CALN1: variants seen among roughly 807,000 people sequenced by gnomAD.
CALN1 encodes calcium-binding protein 8.
In CALN1, 17 loss-of-function variants were observed where a neutral mutation model predicts 30.6. That is an observed-to-expected ratio of 0.56 (90% CI 0.38 to 0.83). The LOEUF is 0.83. Ranked by LOEUF, CALN1 falls within the 40% of genes least tolerant of loss-of-function variation. CALN1 has a pLI of 0.00. For synonymous variants in CALN1, 156 were observed against 131.4 expected (o/e 1.19, Z -1.28); for missense variants, 291 against 354.9 (o/e 0.82, Z 1.45).
chr7:71,967,304 A>G (rs1245059760), intron 5 of CALN1, among the ~76,000 whole-genome samples: 1 of 152,150 alleles, frequency 6.6e-6, no homozygotes, highest in Admixed American at 6.6e-5. Context: ...ACGAGATATA[A>G]TATGGCAGAA....
chr7:72,256,919 T>C (rs1795952098), intron 3 of CALN1, among the ~76,000 whole-genome samples: 2 of 152,230 alleles, frequency 1.3e-5, no homozygotes, highest in African/African-American at 4.8e-5. Context: ...GCCAGGCACC[T>C]TGCCACATCC....
At chr7:71,990,190 C>G (rs1028006452) in intron 5 of CALN1, among the ~76,000 whole-genome samples, 1 of 152,138 alleles carries the variant, frequency 6.6e-6, no homozygotes, top group African/African-American at 2.4e-5. Flanking sequence ...GACCCCTGGT[C>G]GTCCTCACTG....
chr7:72,002,533 G>C (rs1799578362), intron 5 of CALN1, among the ~76,000 whole-genome samples: 1 of 152,038 alleles, frequency 6.6e-6, no homozygotes, highest in Non-Finnish European at 1.5e-5. Flanking sequence ...GGAAATGTTG[G>C]TACCAGAAGT....
At chr7:72,197,759 G>A (rs1459588151) in intron 3 of CALN1, among the ~76,000 whole-genome samples, 1 of 152,218 alleles carries the variant, frequency 6.6e-6, no homozygotes, top group Non-Finnish European at 1.5e-5. Flanking sequence ...GGGAGGCTGA[G>A]GCTGGAGGAT....
At chr7:71,966,277 T>C (rs1797525817) in intron 5 of CALN1, among the ~76,000 whole-genome samples, 1 of 152,232 alleles carries the variant, frequency 6.6e-6, no homozygotes, top group Non-Finnish European at 1.5e-5. Flanking sequence ...AAGCTGGACA[T>C]GGCCTGTGAA....
At chr7:72,125,760 C>T (rs1465123756) in intron 3 of CALN1, among the ~76,000 whole-genome samples, 3 of 150,806 alleles carry the variant, frequency 2.0e-5, no homozygotes, top group Non-Finnish European at 4.4e-5. Context: ...CCGCCCCCAC[C>T]TTCCTGTCCT....
intron 5 of CALN1, among the ~76,000 whole-genome samples, chr7:71,945,014 G>A (rs1306182044): frequency 1.3e-5 from 2 of 152,170 alleles, no homozygotes; most frequent in East Asian, 1.9e-4. Context: ...TCTGGTGGGA[G>A]GGGCATGGGT....
chr7:71,813,107 C>T (rs1174191002), intron 5 of CALN1, among the ~76,000 whole-genome samples: 2 of 152,048 alleles, frequency 1.3e-5, no homozygotes, highest in East Asian at 3.9e-4. Flanking sequence ...CACCACCACA[C>T]CTAGCTAATT....
At chr7:71,979,671 GT>G (rs56780753) in intron 5 of CALN1, among the ~76,000 whole-genome samples, 1 of 152,110 alleles carries the variant, frequency 6.6e-6, no homozygotes, top group South Asian at 2.1e-4. Context: ...CGGCCGGGGG[GT>G]TGGGGACCCC....
intron 5 of CALN1, among the ~76,000 whole-genome samples, chr7:71,890,095 A>C (rs1793152709): frequency 6.6e-6 from 1 of 152,166 alleles, no homozygotes; most frequent in Non-Finnish European, 1.5e-5. Flanking sequence ...GAGAATGAGA[A>C]CAGAGCTTTT....
intron 2 of CALN1, among the ~76,000 whole-genome samples, chr7:72,363,059 A>G (rs1222264070): frequency 6.6e-6 from 1 of 152,178 alleles, no homozygotes; most frequent in African/African-American, 2.4e-5. Flanking sequence ...TTCAGGGGGT[A>G]CATGTGAAGA....
intron 5 of CALN1, among the ~76,000 whole-genome samples, chr7:71,831,713 C>T (rs910708133): frequency 6.6e-6 from 1 of 150,760 alleles, no homozygotes; most frequent in African/African-American, 2.4e-5. Flanking sequence ...TGGCAAAACC[C>T]CATCTCTACA....
the CALN1 span, among the ~76,000 whole-genome samples, chr7:72,457,757 C>G: frequency 7.4e-6 from 1 of 135,714 alleles, no homozygotes; most frequent in Non-Finnish European, 1.6e-5. Context: ...CCTTCTTATT[C>G]TTTTTTTTTT....
At position 72,099,759 on chromosome 7, in the gene CALN1, GAAGCTGAGCTTCAAA is replaced by G. The variant is rs537905389; in HGVS notation, c.388+6377_388+6391del. On this transcript the variant is annotated intron_variant, in intron 4 of 6. Coordinates refer to ENST00000395275, the MANE Select transcript of CALN1 (RefSeq NM_031468.4). ...GTAGGCAACAAAACAAAACTTCAAG[GAAGCTGAGCTTCAAA>G]AATAAATAAATGTGCTTTTACGTGA... Among the ~76,000 whole-genome samples, 185 of 152,256 alleles carry G rather than the reference GAAGCTGAGCTTCAAA, an allele frequency of 1.2e-3. 1 individual carries two copies. The highest frequency in any genetic ancestry group is 4.3e-3 in the African/African-American group (177 of 41,558).
intron 1 of CALN1, among the ~76,000 whole-genome samples, chr7:72,421,346 A>C (rs1010377873): frequency 6.6e-6 from 1 of 152,090 alleles, no homozygotes; most frequent in African/African-American, 2.4e-5. Context: ...GCTATGAGTG[A>C]AATAACTCAG....
chr7:71,960,150 T>C (rs1188953661), intron 5 of CALN1, among the ~76,000 whole-genome samples: 23 of 83,296 alleles, frequency 2.8e-4, no homozygotes, highest in African/African-American at 9.2e-4. Context: ...AATAAATAAA[T>C]AAATAAATAA....
intron 4 of CALN1, chr7:72,104,200 A>G (rs10255136): frequency 0.23 from 34,875 of 152,924 alleles, 4,918 homozygotes; most frequent in East Asian, 0.69. Context: ...TCACCAGAAG[A>G]ACATACAACA....
the CALN1 span, among the ~76,000 whole-genome samples, chr7:72,468,252 G>A: frequency 6.6e-6 from 1 of 152,038 alleles, no homozygotes. Flanking sequence ...AGTTCTTTGG[G>A]GCATATTCCT....
At chr7:72,008,808 A>T (rs1250316248) in intron 5 of CALN1, among the ~76,000 whole-genome samples, 1 of 151,950 alleles carries the variant, frequency 6.6e-6, no homozygotes, top group Non-Finnish European at 1.5e-5. Flanking sequence ...GGTGCCCGCC[A>T]CCACGCCCAT....
Sources: allele counts gnomAD v4.1 joint callset (sites outside exome capture counted in the v4.1 genomes callset), GRCh38; gene constraint gnomAD v4.1.1; transcripts MANE v1.5; gene names NCBI Gene and HGNC (gene_info 2026-07-23, HGNC 2026-07-21).